Variants in ZFHX3 observed in about 807,000 individuals in gnomAD.
The protein encoded by ZFHX3 is zinc finger homeobox 3.
In ZFHX3, 42 loss-of-function variants were observed where a neutral mutation model predicts 279.1. The observed-to-expected ratio is 0.15, with a 90% CI of 0.12 to 0.19. The LOEUF (loss-of-function observed/expected upper bound fraction) is 0.19. Ranked by LOEUF, ZFHX3 falls within the 10% of genes least tolerant of loss-of-function variation. The pLI, the probability that ZFHX3 is intolerant of heterozygous loss-of-function variation, is 1.00. For synonymous variants in ZFHX3, 2,293 were observed against 1,957.8 expected (o/e 1.17, Z -4.52); for missense variants, 4,981 against 4,754.0 (o/e 1.05, Z -1.40).
At chr16:72,811,471 A>C (rs2036444063) in intron 7 of ZFHX3, 106 bp downstream of exon 7, 2 of 1,227,734 alleles carry the variant, frequency 1.6e-6, no homozygotes, top group East Asian at 2.6e-5. Flanking sequence ...GACGTTTCCA[A>C]CTCTACACTG....
In ZFHX3 at chr16:73,752,237, A is replaced by G. The variant is rs1383976256; in HGVS notation, c.-1607-71997T>C. 3.9e-5 allele frequency among the ~76,000 whole-genome samples: 6 copies of G among 152,294 alleles called. No individual in the cohort carries two copies. The East Asian group carries it at 5.8e-4, about 15-fold the overall frequency. Reference sequence around the variant, plus strand: ...GATTCCATGTGCGTCTCTGTGGTCTATAACGACCTCCTTTTGATTTCAGCT... The same window carrying G: ...GATTCCATGTGCGTCTCTGTGGTCTGTAACGACCTCCTTTTGATTTCAGCT... On this transcript the variant is annotated intron_variant, in intron 1 of 17. Coordinates refer to the ZFHX3 transcript ENST00000641206.
chr16:73,004,208 T>C (rs973708589), intron 1 of ZFHX3, among the ~76,000 whole-genome samples: 7 of 142,272 alleles, frequency 4.9e-5, no homozygotes, highest in African/African-American at 1.8e-4. Flanking sequence ...TATCACTATG[T>C]TGCCCAGGCT....
intron 2 of ZFHX3, among the ~76,000 whole-genome samples, chr16:73,556,507 C>T (rs1317811968): frequency 6.6e-6 from 1 of 152,158 alleles, no homozygotes; most frequent in Non-Finnish European, 1.5e-5. Flanking sequence ...TACAGCCTGC[C>T]ACATTGACCT....
At chr16:72,856,392 G>A (rs1393426182) in intron 4 of ZFHX3, among the ~76,000 whole-genome samples, 1 of 152,264 alleles carries the variant, frequency 6.6e-6, no homozygotes, top group Non-Finnish European at 1.5e-5. Context: ...GGCTTCCGGT[G>A]TTCCCAAGTG....
At chr16:72,976,377 G>A (rs1052283811) in intron 1 of ZFHX3, among the ~76,000 whole-genome samples, 8 of 152,180 alleles carry the variant, frequency 5.3e-5, no homozygotes, top group African/African-American at 1.9e-4. Flanking sequence ...ATAACACAGA[G>A]GCTACTGGGG....
chr16:72,954,946 A>G (rs1052259599), intron 2 of ZFHX3, among the ~76,000 whole-genome samples: 5 of 152,238 alleles, frequency 3.3e-5, no homozygotes, highest in African/African-American at 1.2e-4. Context: ...AGTCACATCT[A>G]ATAACACCTA....
intron 2 of ZFHX3, among the ~76,000 whole-genome samples, chr16:73,584,034 A>C (rs1021375016): frequency 4.6e-5 from 7 of 152,252 alleles, no homozygotes; most frequent in African/African-American, 1.7e-4. Flanking sequence ...ATCTCAAAAA[A>C]CAGGCTAAAG....
chr16:73,395,972 A>G (rs778412874), intron 3 of ZFHX3, among the ~76,000 whole-genome samples: 18 of 152,220 alleles, frequency 1.2e-4, no homozygotes, highest in Non-Finnish European at 1.9e-4. Context: ...TTAGAAGAAA[A>G]CAATGCTTAC....
At chr16:73,032,674 A>T (rs754753927) in intron 1 of ZFHX3, among the ~76,000 whole-genome samples, 2 of 145,788 alleles carry the variant, frequency 1.4e-5, no homozygotes, top group Non-Finnish European at 3.0e-5. Context: ...TCAGCATTTA[A>T]AAAAAGAACA....
At chr16:72,965,149 G>A (rs1961773976) in intron 1 of ZFHX3, among the ~76,000 whole-genome samples, 1 of 152,206 alleles carries the variant, frequency 6.6e-6, no homozygotes, top group Non-Finnish European at 1.5e-5. Flanking sequence ...AAAGTGCTGG[G>A]ATTACAGGCG....
At chr16:73,687,792 G>A (rs1203967235) in intron 1 of ZFHX3, among the ~76,000 whole-genome samples, 2 of 115,102 alleles carry the variant, frequency 1.7e-5, no homozygotes, top group South Asian at 3.5e-4. Flanking sequence ...AGGTTGCAGT[G>A]AGCCGAGATT....
At position 72,788,278 on chromosome 16, in the gene ZFHX3, T is replaced by C. The variant is rs2035540417; in HGVS notation, c.9998A>G (p.Gln3333Arg). ...IPGALQSGYL[Q>R]PMYGMEGLFP... ...CAGGCCTTCCATGCCATACATAGGC[T>C]GCAGGTACCCGCTCTGCAGGGCGCC... The change falls in exon 10 of 10, where the codon CAG becomes CGG. Residue 3333 changes from glutamine (Q) to arginine (R), a missense_variant. Physicochemically the swap from Gln to Arg is conservative, Grantham distance 43. This residue lies in a region of ZFHX3 where 1,034 missense variants were observed against 786.0 expected (regional missense o/e 1.32). Coordinates refer to ENST00000268489, the MANE Select transcript of ZFHX3 (RefSeq NM_006885.4). The C allele has an allele frequency of 6.2e-7, 1 of 1,614,186 alleles. No individual in the cohort carries two copies. Among genetic ancestry groups the C allele is most frequent in the Admixed American group, 1.7e-5 (1 of 60,034 alleles).
chr16:73,556,315 T>G (rs1302397892), intron 2 of ZFHX3, among the ~76,000 whole-genome samples: 1 of 149,550 alleles, frequency 6.7e-6, no homozygotes, highest in Non-Finnish European at 1.5e-5. Context: ...ACGAAAGGAG[T>G]GGGGAGGGGG....
At chr16:73,321,635 G>C (rs67265520) in intron 3 of ZFHX3, among the ~76,000 whole-genome samples, 1 of 152,126 alleles carries the variant, frequency 6.6e-6, no homozygotes, top group African/African-American at 2.4e-5. Context: ...GATGCAGCTT[G>C]GACATATTTA....
intron 3 of ZFHX3, among the ~76,000 whole-genome samples, chr16:73,377,584 C>T (rs970343213): frequency 6.6e-6 from 1 of 152,118 alleles, no homozygotes; most frequent in African/African-American, 2.4e-5. Flanking sequence ...TCACAGACAT[C>T]ACTTTCAGTA....
intron 3 of ZFHX3, among the ~76,000 whole-genome samples, chr16:72,918,057 T>C (rs1221515294): frequency 6.6e-6 from 1 of 152,138 alleles, no homozygotes; most frequent in Non-Finnish European, 1.5e-5. Context: ...CATGAGGGCT[T>C]GAGATGGCTG....
chr16:73,267,096 G>A (rs764438300), intron 4 of ZFHX3, among the ~76,000 whole-genome samples: 6 of 152,278 alleles, frequency 3.9e-5, no homozygotes, highest in African/African-American at 9.6e-5. Flanking sequence ...TTACACTTTC[G>A]TGACAGCCTC....
intron 7 of ZFHX3, chr16:72,809,317 C>T (rs1490354856): frequency 6.6e-6 from 1 of 152,162 alleles, no homozygotes; most frequent in Non-Finnish European, 1.5e-5. Context: ...GACAATGCTT[C>T]CCTCCCCACA....
intron 2 of ZFHX3, among the ~76,000 whole-genome samples, chr16:73,536,280 G>GA (rs776454911): frequency 8.5e-5 from 13 of 152,144 alleles, no homozygotes; most frequent in Non-Finnish European, 1.6e-4. Flanking sequence ...GTTTATATCA[G>GA]AAAAAATATA....
Sources: allele counts gnomAD v4.1 joint callset (sites outside exome capture counted in the v4.1 genomes callset), GRCh38; gene constraint gnomAD v4.1.1; regional missense constraint gnomAD v4.1.1; transcripts MANE v1.5; gene names NCBI Gene and HGNC (gene_info 2026-07-23, HGNC 2026-07-21).